The following STK33 variants were observed in gnomAD, a reference collection of about 807,000 sequenced individuals.
STK33 encodes the protein serine/threonine-protein kinase 33.
Under a neutral mutation model 58.0 loss-of-function variants are expected in STK33, and 52 were observed. That is an observed-to-expected ratio of 0.90 (90% CI 0.72 to 1.13). The LOEUF is 1.13. STK33 is among the 50% of genes most tolerant of loss of function. The pLI, the probability that STK33 is intolerant of heterozygous loss-of-function variation, is 0.00. For missense variants in STK33, 630 were observed against 604.2 expected (o/e 1.04, Z -0.45); for synonymous variants, 215 against 200.1 (o/e 1.07, Z -0.63).
chr11:8,558,491 G>C (rs1439585956), intron 1 of STK33, among the ~76,000 whole-genome samples: 1 of 151,752 alleles, frequency 6.6e-6, no homozygotes, highest in Non-Finnish European at 1.5e-5. Flanking sequence ...TAAATATATG[G>C]CACCTTACCT....
At chr11:8,541,860 A>G (rs933372234) in intron 1 of STK33, among the ~76,000 whole-genome samples, 1 of 152,150 alleles carries the variant, frequency 6.6e-6, no homozygotes, top group Non-Finnish European at 1.5e-5. Flanking sequence ...AACCTCAGCA[A>G]TCTTAAATCT....
intron 6 of STK33, among the ~76,000 whole-genome samples, chr11:8,467,970 T>G (rs775316601): frequency 5.3e-5 from 8 of 152,038 alleles, no homozygotes; most frequent in Admixed American, 5.2e-4. Context: ...ACTTCTACAT[T>G]TGTGGGCATC....
rs1270225323 is a variant in STK33, at chr11:8,497,090, A to G, written c.-465-16476T>C. Among the ~76,000 whole-genome samples the G allele has an allele frequency of 2.6e-5, 4 of 152,230 alleles. No individual in the cohort carries two copies. The East Asian group carries it at 7.7e-4, about 29-fold the overall frequency. On this transcript the variant is annotated intron_variant, in intron 1 of 15. Coordinates refer to ENST00000687296, the MANE Select transcript of STK33 (RefSeq NM_001352389.2). ...ATATTACAAACAAAAAATAAAAAAT[A>G]ACATAGATTCAGAGACACCTGTGGG...
the STK33 span, among the ~76,000 whole-genome samples, chr11:8,359,343 T>C: frequency 6.6e-6 from 1 of 152,220 alleles, no homozygotes; most frequent in African/African-American, 2.4e-5. Flanking sequence ...GTTTTCTTGA[T>C]GGGCCCCACG....
chr11:8,500,395 T>C (rs568288480), intron 1 of STK33, among the ~76,000 whole-genome samples: 19 of 151,802 alleles, frequency 1.3e-4, no homozygotes, highest in African/African-American at 4.1e-4. Flanking sequence ...TTATAGAAGA[T>C]CAATATATAA....
intron 1 of STK33, among the ~76,000 whole-genome samples, chr11:8,536,782 G>A (rs981281183): frequency 5.3e-5 from 8 of 149,760 alleles, no homozygotes; most frequent in African/African-American, 2.0e-4. Context: ...TTTGTTGTTT[G>A]TTTGTTTGTT....
chr11:8,580,613 TAA>T (rs1171123228), intron 1 of STK33, among the ~76,000 whole-genome samples: 1 of 152,080 alleles, frequency 6.6e-6, no homozygotes, highest in Non-Finnish European at 1.5e-5. Flanking sequence ...TTAAATAACT[TAA>T]AGAGTATAAA....
intron 11 of STK33, 120 bp from the exon 12 acceptor site, chr11:8,440,873 G>C (rs926773326): frequency 5.3e-6 from 5 of 948,490 alleles, no homozygotes; most frequent in Admixed American, 2.4e-5. Context: ...AGGGAAAAGA[G>C]AACCAACAGC....
chr11:8,355,402 G>C, the STK33 span, among the ~76,000 whole-genome samples: 25 of 152,338 alleles, frequency 1.6e-4, no homozygotes, highest in Non-Finnish European at 2.5e-4. Context: ...TGGGGTTAGT[G>C]GCTACGGTAC....
intron 1 of STK33, among the ~76,000 whole-genome samples, chr11:8,518,430 T>C (rs552050381): frequency 3.9e-5 from 6 of 152,208 alleles, no homozygotes; most frequent in African/African-American, 1.4e-4. Flanking sequence ...AGAAACTGCA[T>C]CAACTAACAA....
At position 8,392,429 on chromosome 11, in the gene STK33, G is replaced by C. The variant is rs967844742; in HGVS notation, c.*81C>G. The C allele has an allele frequency of 6.5e-7, 1 of 1,529,918 alleles. No homozygotes were observed. The highest frequency in any genetic ancestry group is 9.0e-7 in the Non-Finnish European group (1 of 1,111,360). 94.8% of individuals were successfully genotyped at this position (1,529,918 alleles called of 1,614,324 possible). ...AAGGCTACAAGCTCAGCATAGGGCT[G>C]TCTTCTTCCCCTCCTACCCCCTCAT... On this transcript the variant is annotated 3_prime_UTR_variant, in exon 16 of 16. Coordinates refer to ENST00000687296, the MANE Select transcript of STK33 (RefSeq NM_001352389.2).
chr11:8,523,563 C>T (rs949474094), intron 1 of STK33, among the ~76,000 whole-genome samples: 11 of 152,048 alleles, frequency 7.2e-5, no homozygotes, highest in East Asian at 1.9e-4. Context: ...ACCCGGCAGC[C>T]GCCCCATCTG....
At position 8,474,928 on chromosome 11, in the gene STK33, C is replaced by A; in HGVS notation, c.-23G>T. On this transcript the variant is annotated 5_prime_UTR_variant, in exon 5 of 16. Coordinates refer to ENST00000687296, the MANE Select transcript of STK33 (RefSeq NM_001352389.2). ...CATTTGTTTAACTCTGCAACAAAAG[C>A]AACTTTAAAAATGTTTCCACTGTTT... 1 of 1,544,722 alleles carries A rather than the reference C, an allele frequency of 6.5e-7. No individual in the cohort carries two copies. Among genetic ancestry groups the A allele is most frequent in the Admixed American group, 2.1e-5 (1 of 46,794 alleles).
intron 1 of STK33, among the ~76,000 whole-genome samples, chr11:8,555,438 T>C (rs538467488): frequency 6.6e-4 from 101 of 152,100 alleles, no homozygotes; most frequent in Admixed American, 1.1e-3. Flanking sequence ...CTGAGGTGAG[T>C]GGATTGCCTG....
At chr11:8,471,210 C>G (rs977997723) in intron 6 of STK33, among the ~76,000 whole-genome samples, 1 of 152,134 alleles carries the variant, frequency 6.6e-6, no homozygotes, top group Non-Finnish European at 1.5e-5. Flanking sequence ...TTTATTTTCT[C>G]TCTAAATAGA....
the STK33 span, among the ~76,000 whole-genome samples, chr11:8,345,189 C>T: frequency 6.6e-6 from 1 of 152,298 alleles, no homozygotes; most frequent in African/African-American, 2.4e-5. Context: ...CCGCAGAGTC[C>T]GAGTTAAAAT....
intron 14 of STK33, among the ~76,000 whole-genome samples, chr11:8,429,998 CAT>C (rs1050846270): frequency 2.6e-5 from 4 of 152,202 alleles, no homozygotes; most frequent in African/African-American, 9.6e-5. Context: ...AGTCCACTCA[CAT>C]AACGCTCCAA....
chr11:8,522,670 C>T (rs1001187121), intron 1 of STK33, among the ~76,000 whole-genome samples: 8 of 152,156 alleles, frequency 5.3e-5, no homozygotes, highest in Admixed American at 4.6e-4. Context: ...AGCAAGATTA[C>T]ATCAAACTAA....
rs974590759 is a variant in STK33 at position 8,511,383 on chromosome 11, T to C, written c.-465-30769A>G. 5.9e-5 allele frequency among the ~76,000 whole-genome samples: 9 copies of C among 152,058 alleles called. No homozygotes were observed. In the East Asian group the frequency reaches 1.7e-3, roughly 29 times the overall value. On this transcript the variant is annotated intron_variant, in intron 1 of 15. Coordinates refer to ENST00000687296, the MANE Select transcript of STK33 (RefSeq NM_001352389.2). Reference sequence around the variant, plus strand: ...TTCACTTATCAGATCTAGAAGGTTTTTGGTAGGGCTTTCTAGGTATATGAT... The same window carrying C: ...TTCACTTATCAGATCTAGAAGGTTTCTGGTAGGGCTTTCTAGGTATATGAT...
Sources: allele counts gnomAD v4.1 joint callset (sites outside exome capture counted in the v4.1 genomes callset), GRCh38; gene constraint gnomAD v4.1.1; transcripts MANE v1.5; gene names NCBI Gene and HGNC (gene_info 2026-07-23, HGNC 2026-07-21).